Variants in LRP1B observed in about 807,000 individuals in gnomAD.
LRP1B encodes the protein low-density lipoprotein receptor-related protein 1B.
A neutral mutation model predicts 556.6 loss-of-function variants in LRP1B; 217 were observed. The observed-to-expected ratio is 0.39, with a 90% confidence interval of 0.35 to 0.44. The LOEUF (loss-of-function observed/expected upper bound fraction) is 0.44. Among genes scored for constraint, LRP1B ranks in the 20% least tolerant of loss-of-function variants. LRP1B has a pLI of 1.00. For missense variants in LRP1B, 5,053 were observed against 5,620.8 expected (o/e 0.90, Z 3.23); for synonymous variants, 2,047 against 1,865.8 (o/e 1.10, Z -2.50).
intron 1 of LRP1B, among the ~76,000 whole-genome samples, chr2:142,062,410 C>G (rs1161098978): frequency 3.3e-5 from 5 of 151,694 alleles, no homozygotes; most frequent in Admixed American, 2.6e-4. Context: ...TACCATGAAG[C>G]CTGCCAATCA....
chr2:140,970,430 T>G (rs892011111), intron 18 of LRP1B, among the ~76,000 whole-genome samples: 3 of 152,178 alleles, frequency 2.0e-5, no homozygotes, highest in Admixed American at 1.3e-4. Flanking sequence ...TCGTCTAATC[T>G]TTTTTCAAGG....
chr2:140,654,933 C>T (rs1172340069), intron 41 of LRP1B, among the ~76,000 whole-genome samples: 1 of 152,094 alleles, frequency 6.6e-6, no homozygotes, highest in East Asian at 1.9e-4. Context: ...ATAATCATTA[C>T]TGTCAAATGA....
intron 43 of LRP1B, among the ~76,000 whole-genome samples, chr2:140,568,224 A>G (rs1240579552): frequency 6.6e-6 from 1 of 151,730 alleles, no homozygotes; most frequent in African/African-American, 2.4e-5. Flanking sequence ...AAATACAGGT[A>G]AACAATTCAA....
chr2:140,347,209 C>G (rs1233741027), intron 77 of LRP1B, among the ~76,000 whole-genome samples: 1 of 151,600 alleles, frequency 6.6e-6, no homozygotes, highest in African/African-American at 2.4e-5. Context: ...GTTCTGGGTA[C>G]TAAAATTAAC....
intron 2 of LRP1B, among the ~76,000 whole-genome samples, chr2:141,752,653 T>G (rs1694157332): frequency 6.7e-6 from 1 of 149,160 alleles, no homozygotes; most frequent in East Asian, 2.0e-4. Flanking sequence ...TCTTGGGTGG[T>G]GTGTGTGTGT....
chr2:141,171,918 C>T (rs2105145390), intron 7 of LRP1B, among the ~76,000 whole-genome samples: 1 of 152,176 alleles, frequency 6.6e-6, no homozygotes, highest in African/African-American at 2.4e-5. Context: ...GATTATTCTC[C>T]TCCTTTCTCT....
At chr2:141,969,331 T>C (rs527609047) in intron 1 of LRP1B, among the ~76,000 whole-genome samples, 1 of 151,690 alleles carries the variant, frequency 6.6e-6, no homozygotes. Flanking sequence ...ATATTCACCA[T>C]GTTAAAAAAA....
At chr2:141,511,987 A>C (rs2105154121) in intron 2 of LRP1B, among the ~76,000 whole-genome samples, 1 of 152,310 alleles carries the variant, frequency 6.6e-6, no homozygotes, top group Admixed American at 6.5e-5. Context: ...GGGCACACTT[A>C]AACATTTTAG....
chr2:141,925,266 A>G (rs1700302107), intron 1 of LRP1B, among the ~76,000 whole-genome samples: 1 of 152,230 alleles, frequency 6.6e-6, no homozygotes, highest in East Asian at 1.9e-4. Flanking sequence ...TTCCAAAACA[A>G]TCTAATAAAG....
chr2:141,021,117 G>T (rs1698052423), intron 11 of LRP1B, among the ~76,000 whole-genome samples: 1 of 151,964 alleles, frequency 6.6e-6, no homozygotes, highest in Non-Finnish European at 1.5e-5. Context: ...TACAGAACTG[G>T]AATTTACTGG....
chr2:140,701,587 AG>A, intron 40 of LRP1B, 133 bp downstream of exon 40: 2 of 845,092 alleles, frequency 2.4e-6, no homozygotes, highest in Non-Finnish European at 3.6e-6. Context: ...TGATACTTGC[AG>A]GAAATTAGAT....
chr2:141,258,237 G>A (rs923852713), intron 3 of LRP1B, among the ~76,000 whole-genome samples: 4 of 152,168 alleles, frequency 2.6e-5, no homozygotes, highest in Admixed American at 2.0e-4. Flanking sequence ...TATAATCCTA[G>A]CACTTTGGGA....
rs1687413993 is a variant in LRP1B at position 140,721,792 on chromosome 2, C to T, written c.5759-4976G>A. 2.6e-5 allele frequency among the ~76,000 whole-genome samples: 4 copies of T among 151,084 alleles called. No homozygotes were observed. In the South Asian group the frequency reaches 8.4e-4, roughly 32 times the overall value. ...CAGGATGGTCTCGATCTCCTGACCT[C>T]GTGATCCGTCCACCTCGGCTTTTGA... On this transcript the variant is annotated intron_variant, in intron 35 of 90. Coordinates refer to ENST00000389484, the MANE Select transcript of LRP1B (RefSeq NM_018557.3).
intron 60 of LRP1B, among the ~76,000 whole-genome samples, chr2:140,465,728 A>AAAAAAAAAAAAAAAAAAAAAAAAG (rs1212346708): frequency 6.6e-6 from 1 of 151,534 alleles, no homozygotes; most frequent in African/African-American, 2.4e-5. Flanking sequence ...TGCAAAAAAA[A>AAAAAAAAAAAAAAAAAAAAAAAAG]AAAAAAGAAA....
chr2:141,183,505 T>C (rs1175880591), intron 7 of LRP1B, among the ~76,000 whole-genome samples: 1 of 152,032 alleles, frequency 6.6e-6, no homozygotes, highest in Non-Finnish European at 1.5e-5. Flanking sequence ...GAATTTAACT[T>C]GAGATGAGCT....
intron 60 of LRP1B, among the ~76,000 whole-genome samples, chr2:140,468,952 G>A (rs1687658732): frequency 6.6e-6 from 1 of 152,144 alleles, no homozygotes; most frequent in Non-Finnish European, 1.5e-5. Context: ...CACAGCAGGA[G>A]AACGATAAAT....
chr2:140,588,686 C>G (rs1222071354), intron 43 of LRP1B, among the ~76,000 whole-genome samples: 1 of 152,016 alleles, frequency 6.6e-6, no homozygotes, highest in African/African-American at 2.4e-5. Flanking sequence ...GGACATCCAG[C>G]TGGGTGCATT....
At chr2:140,771,914 A>G (rs186589629) in intron 33 of LRP1B, among the ~76,000 whole-genome samples, 2 of 152,350 alleles carry the variant, frequency 1.3e-5, no homozygotes, top group East Asian at 1.9e-4. Context: ...AAATTTCAAA[A>G]TACCAATGCA....
intron 3 of LRP1B, among the ~76,000 whole-genome samples, chr2:141,297,144 G>GT (rs1166049846): frequency 6.6e-6 from 1 of 152,136 alleles, no homozygotes; most frequent in African/African-American, 2.4e-5. Flanking sequence ...ATTTGCTATT[G>GT]TGAGTAGTGC....
Sources: gnomAD v4.1 joint callset for allele counts (sites outside exome capture counted in the v4.1 genomes callset) on GRCh38, gnomAD v4.1.1 for gene constraint, MANE v1.5 for transcripts, NCBI Gene and HGNC (gene_info 2026-07-23, HGNC 2026-07-21) for gene names.